The following BCAS3 variants were observed in gnomAD, a reference collection of about 807,000 sequenced individuals.
BCAS3 encodes the protein BCAS4/BCAS3 fusion.
A neutral mutation model predicts 116.1 loss-of-function variants in BCAS3; 53 were observed. That is an observed-to-expected ratio of 0.46 (90% confidence interval 0.37 to 0.57). The LOEUF (loss-of-function observed/expected upper bound fraction) is 0.57. Ranked by LOEUF, BCAS3 falls within the 20% of genes least tolerant of loss-of-function variation. BCAS3 has a pLI of 0.00. For missense variants in BCAS3, 917 were observed against 1,165.4 expected (o/e 0.79, Z 3.10); for synonymous variants, 391 against 408.2 (o/e 0.96, Z 0.51).
chr17:60,992,690 CAA>C (rs942113949), intron 15 of BCAS3, among the ~76,000 whole-genome samples: 17 of 152,046 alleles, frequency 1.1e-4, no homozygotes, highest in Non-Finnish European at 2.1e-4. Flanking sequence ...AATTGAAAAA[CAA>C]TGCTTATATT....
rs1168759281 is a variant in BCAS3 at position 61,352,811 on chromosome 17, C to T, written c.2426-15516C>T. Among the ~76,000 whole-genome samples, 1 of 152,210 alleles carries T rather than the reference C, an allele frequency of 6.6e-6. No homozygotes were observed. The highest frequency in any genetic ancestry group is 1.5e-5 in the Non-Finnish European group (1 of 68,030). On this transcript the variant is annotated intron_variant, in intron 22 of 23. Coordinates refer to ENST00000407086, the MANE Select transcript of BCAS3 (RefSeq NM_017679.5). This position sits in a 1 kb window ranked among gnomAD's most constrained non-coding sequence, Gnocchi z 4.7. ...TGTAAGAGAAAAGGGCAGAGATGGA[C>T]CCAAGTCTTGCTTGCCCTCTGCAGC...
At position 61,363,455 on chromosome 17, in the gene BCAS3, A is replaced by G. The variant is rs1238858065; in HGVS notation, c.2426-4872A>G. Among the ~76,000 whole-genome samples the G allele has an allele frequency of 1.3e-5, 2 of 152,128 alleles. No homozygotes were observed. Among genetic ancestry groups the G allele is most frequent in the African/African-American group, 2.4e-5 (1 of 41,426 alleles). ...GCCTGCGAAGACTGTTGCACTTACA[A>G]CCAGATGCCTCATGTCTCTGAAACT... is the stretch of plus-strand genomic sequence containing the variant. On this transcript the variant is annotated intron_variant, in intron 22 of 23. Transcript: ENST00000407086. The surrounding 1 kb of genome is among the most constrained non-coding windows in gnomAD (Gnocchi z 4.9).
At chr17:61,230,749 C>G (rs878963696) in intron 22 of BCAS3, among the ~76,000 whole-genome samples, 2 of 152,074 alleles carry the variant, frequency 1.3e-5, no homozygotes, top group Admixed American at 1.3e-4. Context: ...TGGCAGTGAA[C>G]ATAGGAGTGC....
intron 22 of BCAS3, among the ~76,000 whole-genome samples, chr17:61,260,796 G>A (rs550305388): frequency 5.3e-5 from 8 of 152,258 alleles, no homozygotes; most frequent in African/African-American, 1.9e-4. Flanking sequence ...TAATAACAAC[G>A]CCTATAGGAG....
chr17:60,941,425 G>GA (rs1431147565), intron 13 of BCAS3, among the ~76,000 whole-genome samples: 1 of 151,774 alleles, frequency 6.6e-6, no homozygotes, highest in East Asian at 1.9e-4. Flanking sequence ...TTTTCTAGAA[G>GA]AAAAAAAAGC....
intron 22 of BCAS3, among the ~76,000 whole-genome samples, chr17:61,133,150 C>T (rs2076428838): frequency 6.6e-6 from 1 of 152,080 alleles, no homozygotes; most frequent in East Asian, 1.9e-4. Flanking sequence ...AAAACAAAAC[C>T]CCAGAACAAC....
intron 22 of BCAS3, among the ~76,000 whole-genome samples, chr17:61,260,023 A>G (rs1390123001): frequency 6.6e-6 from 1 of 152,222 alleles, no homozygotes; most frequent in Non-Finnish European, 1.5e-5. Context: ...GGTAGGCATT[A>G]AGGTAGGTAT....
intron 4 of BCAS3, among the ~76,000 whole-genome samples, chr17:60,693,596 G>A (rs1204991090): frequency 6.6e-6 from 1 of 151,054 alleles, no homozygotes; most frequent in East Asian, 2.0e-4. Context: ...TTGACTTTTT[G>A]TAGTTGGGGT....
chr17:60,703,786 C>T (rs1300233358), intron 4 of BCAS3, among the ~76,000 whole-genome samples: 6 of 151,194 alleles, frequency 4.0e-5, no homozygotes, highest in Non-Finnish European at 8.9e-5. Flanking sequence ...CGGTGGTGGG[C>T]GCCTGTAGTC....
In BCAS3 at chr17:60,992,384, G is replaced by A. The variant is rs188813494; in HGVS notation, c.1486+2149G>A. ...TTTAATGAGAATGATTGTTATTCAT[G>A]TGTATTTAATTTAACTAGTGACCCA... On this transcript the variant is annotated intron_variant, in intron 15 of 23. Coordinates refer to ENST00000407086, the MANE Select transcript of BCAS3 (RefSeq NM_017679.5). Among the ~76,000 whole-genome samples, 7 of 152,226 alleles carry A rather than the reference G, an allele frequency of 4.6e-5. No individual in the cohort carries two copies. The East Asian group carries it at 1.3e-3, about 29-fold the overall frequency.
At chr17:61,232,952 G>C (rs2082779513) in intron 22 of BCAS3, among the ~76,000 whole-genome samples, 2 of 152,136 alleles carry the variant, frequency 1.3e-5, no homozygotes, top group Admixed American at 6.5e-5. Context: ...GAATTTCATG[G>C]AATTTGCTTC....
In BCAS3 at chr17:61,332,887, A is replaced by G. The variant is rs1485249189; in HGVS notation, c.2426-35440A>G. ...CGCCTTGGCCTCCCAAAGTGCTGGG[A>G]TTATAGGCGTGAGCCATGGCACCCG... On this transcript the variant is annotated intron_variant, in intron 22 of 23. Coordinates refer to ENST00000407086, the MANE Select transcript of BCAS3 (RefSeq NM_017679.5). The surrounding 1 kb of genome is among the most constrained non-coding windows in gnomAD (Gnocchi z 5.4). Among the ~76,000 whole-genome samples the G allele has an allele frequency of 2.0e-5, 3 of 152,210 alleles. No homozygotes were observed. The highest frequency in any genetic ancestry group is 4.4e-5 in the Non-Finnish European group (3 of 68,036).
At chr17:61,330,482 G>A (rs2056180568) in intron 22 of BCAS3, among the ~76,000 whole-genome samples, 2 of 152,216 alleles carry the variant, frequency 1.3e-5, no homozygotes, top group South Asian at 4.1e-4. Context: ...CCAAATGCAG[G>A]CCTTCATTCC....
Position 60,683,865 on chromosome 17 carries a change from C to T in BCAS3, c.84-117C>T. The T allele has an allele frequency of 3.3e-6, 3 of 912,810 alleles. No individual in the cohort carries two copies. The South Asian group carries it at 5.2e-5, about 16-fold the overall frequency. The allele number at this position is 912,810 out of a possible 1,614,324, so 56.5% of individuals were successfully genotyped here. ...ACAAAACAAAACAAACAAAAAAACCCCAAAAAACAAACAACAACAAAAAAC... is the reference window on the plus strand; with the variant it reads ...ACAAAACAAAACAAACAAAAAAACCTCAAAAAACAAACAACAACAAAAAAC... On this transcript the variant is annotated intron_variant, in intron 2 of 23. Transcript: ENST00000407086.
rs372701269 is a variant in BCAS3, at chr17:60,714,392, C to T, written c.321+5067C>T. On this transcript the variant is annotated intron_variant, in intron 5 of 23. Transcript: ENST00000407086. The stretch of plus-strand genomic sequence containing the variant: ...TGTTGAGTTTAATATAACTGTCCCG[C>T]GGTGGCTCATGTCTGTAATCCCAGC... Among the ~76,000 whole-genome samples the T allele has an allele frequency of 3.2e-4, 49 of 152,160 alleles. 1 individual carries two copies. Among genetic ancestry groups the T allele is most frequent in the African/African-American group, 1.1e-3 (45 of 41,542 alleles).
intron 22 of BCAS3, among the ~76,000 whole-genome samples, chr17:61,334,681 A>C (rs1215929009): frequency 6.6e-6 from 1 of 151,782 alleles, no homozygotes; most frequent in Non-Finnish European, 1.5e-5. Context: ...AAAAAAAAAA[A>C]AAAAAAAACA....
Position 61,243,831 on chromosome 17 carries a change from G to A in BCAS3, c.2426-124496G>A, listed in dbSNP as rs901181633. 4.6e-5 allele frequency among the ~76,000 whole-genome samples: 7 copies of A among 152,172 alleles called. No homozygotes were observed. The highest frequency in any genetic ancestry group is 8.8e-5 in the Non-Finnish European group (6 of 68,030). ...AGTTGGAATCTGCTCTGTCAACCAG[G>A]CTGGAGTGCGCTGGTATGACCATAG... On this transcript the variant is annotated intron_variant, in intron 22 of 23. Transcript: ENST00000407086. The surrounding 1 kb of genome is among the most constrained non-coding windows in gnomAD (Gnocchi z 5.6).
chr17:61,180,259 A>T lies in BCAS3; in HGVS notation c.2425+95695A>T, dbSNP rs2079401740. On this transcript the variant is annotated intron_variant, in intron 22 of 23. Coordinates refer to ENST00000407086, the MANE Select transcript of BCAS3 (RefSeq NM_017679.5). This position sits in a 1 kb window ranked among gnomAD's most constrained non-coding sequence, Gnocchi z 6.0. The stretch of plus-strand genomic sequence containing the variant: ...AAGAGCTTTCTAATATTCTTTTCTC[A>T]TTCTAATGAGAAGTCTCAGATAATG... Among the ~76,000 whole-genome samples the T allele has an allele frequency of 6.6e-6, 1 of 152,178 alleles. No homozygotes were observed. The highest frequency in any genetic ancestry group is 1.5e-5 in the Non-Finnish European group (1 of 68,028).
chr17:60,699,203 A>G (rs1348459745), intron 4 of BCAS3, among the ~76,000 whole-genome samples: 1 of 149,304 alleles, frequency 6.7e-6, no homozygotes, highest in African/African-American at 2.6e-5. Context: ...CCATTTGTTT[A>G]TTTATTTATT....
Sources: gnomAD v4.1 joint callset for allele counts (sites outside exome capture counted in the v4.1 genomes callset) on GRCh38, gnomAD v4.1.1 for gene constraint, Gnocchi (gnomAD v3.1) non-coding constraint, MANE v1.5 for transcripts, NCBI Gene and HGNC (gene_info 2026-07-23, HGNC 2026-07-21) for gene names.